Variants in DENND1A observed in about 807,000 individuals in gnomAD.
DENND1A encodes DENN domain containing 1A, also known as DENN domain-containing protein 1A.
DENND1A carries 51 observed loss-of-function variants against 113.7 expected under a neutral mutation model. The observed-to-expected ratio is 0.45, with a 90% CI of 0.36 to 0.57. The LOEUF (loss-of-function observed/expected upper bound fraction) is 0.57. Ranked by LOEUF, DENND1A falls within the 20% of genes least tolerant of loss-of-function variation. The pLI is 0.00. For synonymous variants in DENND1A, 565 were observed against 570.8 expected (o/e 0.99, Z 0.14); for missense variants, 1,258 against 1,395.9 (o/e 0.90, Z 1.57).
chr9:123,801,574 G>A (rs2132238339), intron 2 of DENND1A, among the ~76,000 whole-genome samples: 1 of 152,270 alleles, frequency 6.6e-6, no homozygotes, highest in South Asian at 2.1e-4. Context: ...GAATAATGCT[G>A]CTATGAACAT....
chr9:123,804,836 T>C (rs546913582), intron 2 of DENND1A, among the ~76,000 whole-genome samples: 1 of 152,296 alleles, frequency 6.6e-6, no homozygotes, highest in South Asian at 2.1e-4. Flanking sequence ...ACCAATAGCT[T>C]CCTAACAGGT....
intron 19 of DENND1A, among the ~76,000 whole-genome samples, chr9:123,427,637 G>A (rs1400024569): frequency 2.6e-5 from 4 of 152,188 alleles, no homozygotes; most frequent in African/African-American, 9.7e-5. Flanking sequence ...TGAGACAAGT[G>A]GACAAAGAGC....
chr9:123,387,631 C>G (rs2042634421), intron 22 of DENND1A, 99 bp downstream of exon 22: 1 of 1,231,170 alleles, frequency 8.1e-7, no homozygotes, highest in Non-Finnish European at 1.1e-6. Flanking sequence ...CACCCTCCCC[C>G]CGACACAAAG....
intron 13 of DENND1A, among the ~76,000 whole-genome samples, chr9:123,475,665 C>T (rs2049851406): frequency 2.0e-5 from 3 of 152,258 alleles, no homozygotes; most frequent in African/African-American, 7.2e-5. Flanking sequence ...CCCGCTGCTG[C>T]ACACTCGCCT....
At chr9:123,773,427 G>A (rs1830022437) in intron 3 of DENND1A, among the ~76,000 whole-genome samples, 1 of 152,100 alleles carries the variant, frequency 6.6e-6, no homozygotes, top group Admixed American at 6.6e-5. Context: ...CTCCAATCTG[G>A]AGAAATTAGA....
chr9:123,614,533 G>T (rs1320703364), intron 10 of DENND1A, among the ~76,000 whole-genome samples: 4 of 151,914 alleles, frequency 2.6e-5, no homozygotes, highest in African/African-American at 9.7e-5. Flanking sequence ...ATGTTCCCCT[G>T]AGGTGAGCAG....
At chr9:123,403,614 C>T in intron 20 of DENND1A, 124 bp from the exon 21 acceptor site, 5 of 800,144 alleles carry the variant, frequency 6.2e-6, no homozygotes, top group Non-Finnish European at 8.2e-6. Context: ...AAGCTACAGG[C>T]TACAAAAGCC....
intron 3 of DENND1A, among the ~76,000 whole-genome samples, chr9:123,775,411 GA>G: frequency 6.6e-6 from 1 of 152,092 alleles, no homozygotes; most frequent in South Asian, 2.1e-4. Context: ...AAGGGGGGAG[GA>G]GGGGACACAA....
intron 10 of DENND1A, among the ~76,000 whole-genome samples, chr9:123,625,604 C>G (rs1022297746): frequency 1.3e-5 from 2 of 152,110 alleles, no homozygotes; most frequent in African/African-American, 4.8e-5. Context: ...ATTAGCCAGG[C>G]ATGGTGGTAT....
rs939092188 is a variant in DENND1A at position 123,454,792 on chromosome 9, A to G, written c.1187-13T>C. The G allele has an allele frequency of 1.3e-6, 2 of 1,553,502 alleles. No homozygotes were observed. The highest frequency in any genetic ancestry group is 2.7e-5 in the African/African-American group (2 of 72,920). On this transcript the variant is annotated splice_polypyrimidine_tract_variant and intron_variant, in intron 15 of 23. Coordinates refer to ENST00000394215, the MANE Select transcript of DENND1A (RefSeq NM_001352964.2). ...AGTTTGTCACTGCCTGGGGAAAGAG[A>G]ATTCAGAGAAGCTGTCACTTAAAGA... is the stretch of plus-strand genomic sequence containing the variant.
chr9:123,724,439 A>C (rs1164846521), intron 5 of DENND1A, among the ~76,000 whole-genome samples: 1 of 152,120 alleles, frequency 6.6e-6, no homozygotes, highest in African/African-American at 2.4e-5. Flanking sequence ...TTTGGCACAA[A>C]GAGTTAACCA....
At chr9:123,628,366 C>G (rs921582005) in intron 10 of DENND1A, among the ~76,000 whole-genome samples, 5 of 151,668 alleles carry the variant, frequency 3.3e-5, no homozygotes, top group Admixed American at 3.3e-4. Context: ...AGCCAGATGA[C>G]AGGGTAGAGC....
At chr9:123,544,564 T>C (rs1021220890) in intron 13 of DENND1A, among the ~76,000 whole-genome samples, 1 of 152,172 alleles carries the variant, frequency 6.6e-6, no homozygotes, top group African/African-American at 2.4e-5. Flanking sequence ...ACCAGGCAGA[T>C]GGAGGGGCCA....
At chr9:123,843,258 A>C in intron 2 of DENND1A, 1 of 478,694 alleles carries the variant, frequency 2.1e-6, no homozygotes, top group South Asian at 1.7e-5. Flanking sequence ...TCATTATCAC[A>C]CAAGGTAACT....
intron 13 of DENND1A, among the ~76,000 whole-genome samples, chr9:123,521,185 G>A (rs2054366042): frequency 6.6e-6 from 1 of 152,094 alleles, no homozygotes; most frequent in Admixed American, 6.5e-5. Flanking sequence ...CTGCCTTTAG[G>A]GGCCAGTGCA....
intron 13 of DENND1A, among the ~76,000 whole-genome samples, chr9:123,475,259 TC>T (rs1414792290): frequency 2.6e-5 from 4 of 152,194 alleles, no homozygotes; most frequent in African/African-American, 9.7e-5. Flanking sequence ...CCTCAAGTGA[TC>T]CGCCCACCTC....
chr9:123,455,103 T>A (rs527753127), intron 15 of DENND1A, among the ~76,000 whole-genome samples: 1 of 152,330 alleles, frequency 6.6e-6, no homozygotes, highest in African/African-American at 2.4e-5. Context: ...ATTACAGTCG[T>A]GAGCCACCAC....
At chr9:123,871,243 C>T (rs1367338608) in intron 2 of DENND1A, among the ~76,000 whole-genome samples, 3 of 152,064 alleles carry the variant, frequency 2.0e-5, no homozygotes, top group Non-Finnish European at 4.4e-5. Flanking sequence ...CCACCATACC[C>T]AGCTATGTTT....
intron 13 of DENND1A, among the ~76,000 whole-genome samples, chr9:123,535,427 C>A (rs2055673926): frequency 6.6e-6 from 1 of 152,100 alleles, no homozygotes; most frequent in Admixed American, 6.5e-5. Context: ...GCCTGGGTGA[C>A]ACAAGAAACC....
Sources: allele counts gnomAD v4.1 joint callset (sites outside exome capture counted in the v4.1 genomes callset), GRCh38; gene constraint gnomAD v4.1.1; transcripts MANE v1.5; gene names NCBI Gene and HGNC (gene_info 2026-07-23, HGNC 2026-07-21).